Variants in TICAM1 observed in about 807,000 individuals in gnomAD.
The protein encoded by TICAM1 is TIR domain containing adaptor molecule 1, also known as TIR domain-containing adapter molecule 1.
For synonymous variants in TICAM1, 439 were observed against 415.4 expected, an observed-to-expected ratio of 1.06 and a Z score of -0.69; for missense variants, 895 against 938.2, an observed-to-expected ratio of 0.95 and a Z score of 0.60.
At chr19:4,829,872 G>A (rs111834149) in intron 1 of TICAM1, among the ~76,000 whole-genome samples, 2,356 of 141,204 alleles carry the variant, frequency 0.017, 20 homozygotes, top group Middle Eastern at 0.024. Flanking sequence ...GTGCAGTGGC[G>A]TGGTCTGGGC....
chr19:4,817,645 C>G lies in TICAM1; in HGVS notation c.733G>C (p.Gly245Arg), dbSNP rs151272128. 10 of 1,583,540 alleles carry G rather than the reference C, an allele frequency of 6.3e-6. No individual in the cohort carries two copies. In the South Asian group the frequency reaches 6.9e-5, roughly 11 times the overall value. ...QASLVPEPVP[G>R]GCQEPEEMSW... ...ATCTCCTCAGGCTCCTGGCAGCCAC[C>G]GGGGACAGGCTCGGGCACCAAGCTG... is the stretch of plus-strand genomic sequence containing the variant. The change falls in exon 2 of 2, where the codon GGT (glycine) becomes CGT (arginine). Residue 245 changes from glycine (G) to arginine (R), a missense_variant. Transcript: ENST00000248244. The surrounding 1 kb of genome is among the most constrained non-coding windows in gnomAD (Gnocchi z 4.7).
At chr19:4,822,309 C>G (rs2093599050) in intron 1 of TICAM1, among the ~76,000 whole-genome samples, 1 of 151,748 alleles carries the variant, frequency 6.6e-6, no homozygotes, top group East Asian at 1.9e-4. Flanking sequence ...GTGGCATGAT[C>G]TTGGCTCACT....
intron 1 of TICAM1, among the ~76,000 whole-genome samples, chr19:4,821,658 T>A (rs1221256054): frequency 1.3e-5 from 2 of 151,880 alleles, no homozygotes; most frequent in South Asian, 2.1e-4. Flanking sequence ...TTTTTTTTTT[T>A]TTTGAGACAG....
intron 1 of TICAM1, among the ~76,000 whole-genome samples, chr19:4,830,372 C>T (rs1299714657): frequency 6.6e-6 from 1 of 152,060 alleles, no homozygotes; most frequent in East Asian, 1.9e-4. Context: ...ACCACTGCAC[C>T]CGGCTAACTT....
At chr19:4,822,214 C>T (rs979437546) in intron 1 of TICAM1, among the ~76,000 whole-genome samples, 10 of 150,544 alleles carry the variant, frequency 6.6e-5, no homozygotes, top group Non-Finnish European at 1.2e-4. Context: ...GGATTACAAG[C>T]GTGAGCCACT....
Position 4,825,073 on chromosome 19 carries a change from A to C in TICAM1, c.-140+6541T>G, listed in dbSNP as rs910803397. Reference sequence around the variant, plus strand: ...GGTGTGTGGATTGCCTGAGCTCAGGAGTTCGAGACCAGCCTGCGCAACATG... The same window carrying C: ...GGTGTGTGGATTGCCTGAGCTCAGGCGTTCGAGACCAGCCTGCGCAACATG... On this transcript the variant is annotated intron_variant, in intron 1 of 1. Coordinates refer to ENST00000248244, the MANE Select transcript of TICAM1 (RefSeq NM_182919.4). Among the ~76,000 whole-genome samples the C allele has an allele frequency of 6.6e-5, 10 of 152,218 alleles. No individual in the cohort carries two copies. The South Asian group carries it at 2.1e-3, about 32-fold the overall frequency.
Position 4,816,858 on chromosome 19 carries a change from A to G in TICAM1, c.1520T>C (p.Leu507Pro). ...AQLSSDTASL[L>P]SGLVRLDEHS... ...TTCGTCCAGCCGCACCAGCCCGGAGAGCAGGCTGGCCGTGTCGGAGCTGAG... is the reference window on the plus strand; with the variant it reads ...TTCGTCCAGCCGCACCAGCCCGGAGGGCAGGCTGGCCGTGTCGGAGCTGAG... Residue 507 changes from leucine to proline, a missense_variant, in exon 2 of 2, where the codon CTC becomes CCC. Leu to Pro is a moderately conservative substitution (Grantham distance 98, BLOSUM62 -3). Coordinates refer to ENST00000248244, the MANE Select transcript of TICAM1 (RefSeq NM_182919.4). This position sits in a 1 kb window ranked among gnomAD's most constrained non-coding sequence, Gnocchi z 4.3. 6.2e-7 allele frequency: 1 copy of G among 1,612,556 alleles called. No individual in the cohort carries two copies. The highest frequency in any genetic ancestry group is 8.5e-7 in the Non-Finnish European group (1 of 1,179,992).
intron 1 of TICAM1, among the ~76,000 whole-genome samples, chr19:4,828,306 C>T (rs1274842264): frequency 6.6e-6 from 1 of 151,874 alleles, no homozygotes; most frequent in Non-Finnish European, 1.5e-5. Flanking sequence ...GTGATCATAG[C>T]TCACTGCAGC....
Position 4,816,947 on chromosome 19 carries a change from G to A in TICAM1, c.1431C>T (p.Leu477=), listed in dbSNP as rs753309282. ...HQVNQAMMSN[L]TRQGSPDCVI... ...CACAGTCTGGCGACCCCTGTCGCGT[G>A]AGGTTGCTCATCATGGCTTGGTTCA... The change falls in exon 2 of 2, where the codon CTC becomes CTT. Residue 477 remains leucine (L), a synonymous_variant. Coordinates refer to ENST00000248244, the MANE Select transcript of TICAM1 (RefSeq NM_182919.4). This position sits in a 1 kb window ranked among gnomAD's most constrained non-coding sequence, Gnocchi z 4.3. 3.1e-6 allele frequency: 5 copies of A among 1,614,078 alleles called. No homozygotes were observed. The highest frequency in any genetic ancestry group is 4.2e-6 in the Non-Finnish European group (5 of 1,180,040).
At chr19:4,824,941 A>C (rs1405326239) in intron 1 of TICAM1, among the ~76,000 whole-genome samples, 1 of 151,626 alleles carries the variant, frequency 6.6e-6, no homozygotes, top group Non-Finnish European at 1.5e-5. Flanking sequence ...TCCAAAAAAA[A>C]ATAAAATAAA....
At position 4,817,299 on chromosome 19, in the gene TICAM1, G is replaced by A. The variant is rs1349456859; in HGVS notation, c.1079C>T (p.Pro360Leu). 4.3e-6 allele frequency: 7 copies of A among 1,613,598 alleles called. No individual in the cohort carries two copies. The highest frequency in any genetic ancestry group is 5.1e-6 in the Non-Finnish European group (6 of 1,179,930). ...PPTPTTPETS[P>L]PPPPPPPSST... ...TGAAGGAGGAGGAGGAGGAGGAGGA[G>A]GGGATGTTTCTGGGGTGGTGGGAGT... is the stretch of plus-strand genomic sequence containing the variant. Residue 360 changes from proline (P) to leucine (L), a missense_variant, in exon 2 of 2, where the codon CCT becomes CTT. Coordinates refer to ENST00000248244, the MANE Select transcript of TICAM1 (RefSeq NM_182919.4). The surrounding 1 kb of genome is among the most constrained non-coding windows in gnomAD (Gnocchi z 4.7).
At position 4,818,316 on chromosome 19, in the gene TICAM1, T is replaced by A; in HGVS notation, c.62A>T (p.Asp21Val). ...TTTGTGCTTCAGATACAAGAGCTTGTCCTGGCCTGCTGCACCTAGAATGTC... is the reference window on the plus strand; with the variant it reads ...TTTGTGCTTCAGATACAAGAGCTTGACCTGGCCTGCTGCACCTAGAATGTC... Reference protein sequence around the residue: ...AFDILGAAGQDKLLYLKHKLK... With the variant: ...AFDILGAAGQVKLLYLKHKLK... The change falls in exon 2 of 2, where the codon GAC (aspartate) becomes GTC (valine). Residue 21 changes from aspartate (D) to valine (V), a missense_variant. By Grantham distance (152) the Asp-to-Val change is radical. Transcript: ENST00000248244. The surrounding 1 kb of genome is among the most constrained non-coding windows in gnomAD (Gnocchi z 4.0). The A allele has an allele frequency of 6.2e-7, 1 of 1,612,628 alleles. No individual in the cohort carries two copies.
intron 1 of TICAM1, among the ~76,000 whole-genome samples, chr19:4,829,339 C>G (rs952632407): frequency 2.3e-5 from 2 of 87,608 alleles, no homozygotes; most frequent in Admixed American, 1.1e-4. Flanking sequence ...TCTTCTCATT[C>G]TCTCTGCCCC....
intron 1 of TICAM1, among the ~76,000 whole-genome samples, chr19:4,821,374 G>T: frequency 6.6e-6 from 1 of 151,842 alleles, no homozygotes; most frequent in Non-Finnish European, 1.5e-5. Context: ...ACAATATAAC[G>T]GGCATGTGTG....
intron 1 of TICAM1, among the ~76,000 whole-genome samples, chr19:4,828,109 T>C (rs2093608558): frequency 6.8e-6 from 1 of 147,868 alleles, no homozygotes; most frequent in Non-Finnish European, 1.5e-5. Flanking sequence ...ATTCACACTC[T>C]TTTTTGTTTT....
At position 4,817,381 on chromosome 19, in the gene TICAM1, G is replaced by A. The variant is rs1409052982; in HGVS notation, c.997C>T (p.Pro333Ser). 1.9e-6 allele frequency: 3 copies of A among 1,613,890 alleles called. No homozygotes were observed. Among genetic ancestry groups the A allele is most frequent in the African/African-American group, 1.3e-5 (1 of 74,928 alleles). Reference sequence around the variant, plus strand: ...GTATCTTCTACAGAAAGTTGGAGTGGCGTCTGGTCTTTGACAGAGCAGGGG... The same window carrying A: ...GTATCTTCTACAGAAAGTTGGAGTGACGTCTGGTCTTTGACAGAGCAGGGG... ...KNPCSVKDQT[P>S]LQLSVEDTTS... is the part of the protein sequence containing the mutation. Residue 333 changes from proline (P) to serine (S), a missense_variant, in exon 2 of 2, where the codon CCA becomes TCA. By Grantham distance (74) the Pro-to-Ser change is moderately conservative. Coordinates refer to ENST00000248244, the MANE Select transcript of TICAM1 (RefSeq NM_182919.4). This position sits in a 1 kb window ranked among gnomAD's most constrained non-coding sequence, Gnocchi z 4.7.
chr19:4,822,892 G>A (rs1045532467), intron 1 of TICAM1, among the ~76,000 whole-genome samples: 1 of 152,114 alleles, frequency 6.6e-6, no homozygotes. Flanking sequence ...GGGTTCAATC[G>A]TGTCTCTCCC....
chr19:4,831,660 G>C lies in TICAM1; in HGVS notation c.-186C>G, dbSNP rs1599149847. 1 of 152,494 alleles carries C rather than the reference G, an allele frequency of 6.6e-6. No individual in the cohort carries two copies. The highest frequency in any genetic ancestry group is 6.5e-5 in the Admixed American group (1 of 15,282). 9.4% of individuals were successfully genotyped at this position (152,494 alleles called of 1,614,324 possible). On this transcript the variant is annotated 5_prime_UTR_variant, in exon 1 of 2. Transcript: ENST00000248244. ...TGCGCCACTGGGTCCTGGGGTCCTG[G>C]GGGCTGGGGCTTCTGCGGAGTTGCC...
Position 4,816,047 on chromosome 19 carries a change from A to C in TICAM1, c.*192T>G, listed in dbSNP as rs1363588078. 3 of 791,460 alleles carry C rather than the reference A, an allele frequency of 3.8e-6. No individual in the cohort carries two copies. In the East Asian group the frequency reaches 1.0e-4, roughly 26 times the overall value. 49.0% of individuals were successfully genotyped at this position (791,460 alleles called of 1,614,324 possible). On this transcript the variant is annotated 3_prime_UTR_variant, in exon 2 of 2. Transcript: ENST00000248244. This position sits in a 1 kb window ranked among gnomAD's most constrained non-coding sequence, Gnocchi z 4.3. Reference sequence around the variant, plus strand: ...GTAAACACCGTATCCAGTTCTGACCACCCTGAAAGCCAGGGCATCATCGCG... The same window carrying C: ...GTAAACACCGTATCCAGTTCTGACCCCCCTGAAAGCCAGGGCATCATCGCG...
Sources: allele counts gnomAD v4.1 joint callset (sites outside exome capture counted in the v4.1 genomes callset), GRCh38; gene constraint gnomAD v4.1.1; non-coding constraint Gnocchi (gnomAD v3.1); transcripts MANE v1.5; gene names NCBI Gene and HGNC (gene_info 2026-07-23, HGNC 2026-07-21).